CSNK1A1: variants seen among roughly 807,000 people sequenced by gnomAD.
The protein encoded by CSNK1A1 is casein kinase 1 alpha 1.
In CSNK1A1, 7 loss-of-function variants were observed where a neutral mutation model predicts 46.1. The ratio of observed to expected loss-of-function variants is 0.15; its 90% CI spans 0.09 to 0.29. The LOEUF (loss-of-function observed/expected upper bound fraction) is 0.29, where lower values mean the gene tolerates loss of function less well. Among genes scored for constraint, CSNK1A1 ranks in the 10% least tolerant of loss-of-function variants. CSNK1A1 has a pLI of 1.00. For missense variants in CSNK1A1, 96 were observed against 417.1 expected (o/e 0.23, Z 6.71); for synonymous variants, 137 against 141.5 (o/e 0.97, Z 0.23).
At chr5:149,506,362 G>A (rs965828618) in intron 8 of CSNK1A1, among the ~76,000 whole-genome samples, 9 of 151,900 alleles carry the variant, frequency 5.9e-5, no homozygotes, top group Non-Finnish European at 7.4e-5. Flanking sequence ...TCAGCCTCCC[G>A]AGTCGCTGGG....
chr5:149,504,804 G>A (rs1190403458), intron 9 of CSNK1A1: 11 of 985,218 alleles, frequency 1.1e-5, no homozygotes, highest in African/African-American at 3.5e-5. Flanking sequence ...AAGATCATAC[G>A]TAAACTGCAA....
intron 2 of CSNK1A1, among the ~76,000 whole-genome samples, chr5:149,527,607 A>G (rs574727761): frequency 1.3e-5 from 2 of 152,326 alleles, no homozygotes; most frequent in South Asian, 4.1e-4. Flanking sequence ...TTAAAAGGTA[A>G]GTGATAAAGC....
rs1260424124 is a variant in CSNK1A1 at position 149,493,933 on chromosome 5, T to C, written c.*2920A>G. 8 of 152,212 alleles carry C rather than the reference T, an allele frequency of 5.3e-5. No individual in the cohort carries two copies. Among genetic ancestry groups the C allele is most frequent in the African/African-American group, 1.2e-4 (5 of 41,458 alleles). 9.4% of individuals were successfully genotyped at this position (152,212 alleles called of 1,614,324 possible). Reference sequence around the variant, plus strand: ...TCAGAACCAGACTGTTCCAGACTAGTTGGAAAACGACCCAGGAACTCACCT... The same window carrying C: ...TCAGAACCAGACTGTTCCAGACTAGCTGGAAAACGACCCAGGAACTCACCT... On this transcript the variant is annotated 3_prime_UTR_variant, in exon 10 of 10. Coordinates refer to ENST00000377843, the MANE Select transcript of CSNK1A1 (RefSeq NM_001892.6).
intron 2 of CSNK1A1, among the ~76,000 whole-genome samples, chr5:149,534,828 G>A (rs1353880683): frequency 6.6e-6 from 1 of 150,614 alleles, no homozygotes; most frequent in Non-Finnish European, 1.5e-5. Flanking sequence ...GGAAGCTGAG[G>A]CAGGAGGATC....
chr5:149,542,047 T>C (rs1762249767), intron 2 of CSNK1A1, among the ~76,000 whole-genome samples: 1 of 148,122 alleles, frequency 6.8e-6, no homozygotes, highest in Admixed American at 6.7e-5. Context: ...CCTGGGCCAC[T>C]GACCGGTATC....
At chr5:149,514,947 G>A (rs1412226022) in intron 4 of CSNK1A1, among the ~76,000 whole-genome samples, 2 of 152,134 alleles carry the variant, frequency 1.3e-5, no homozygotes, top group Non-Finnish European at 2.9e-5. Flanking sequence ...AGGAAAATTT[G>A]TGTTGTAAAA....
At chr5:149,546,037 C>T (rs1184699837) in intron 2 of CSNK1A1, among the ~76,000 whole-genome samples, 2 of 151,642 alleles carry the variant, frequency 1.3e-5, no homozygotes, top group African/African-American at 2.4e-5. Flanking sequence ...TACAGGCGCA[C>T]GCCACCACAC....
intron 2 of CSNK1A1, among the ~76,000 whole-genome samples, chr5:149,540,085 G>C (rs2113172319): frequency 6.6e-6 from 1 of 152,212 alleles, no homozygotes; most frequent in South Asian, 2.1e-4. Flanking sequence ...CATTACATCA[G>C]AGAACAAGAG....
At position 149,494,446 on chromosome 5, in the gene CSNK1A1, A is replaced by G. The variant is rs1285692016; in HGVS notation, c.*2407T>C. The G allele has an allele frequency of 6.6e-6, 1 of 152,190 alleles. No homozygotes were observed. The highest frequency in any genetic ancestry group is 1.9e-4 in the East Asian group (1 of 5,198). The allele number at this position is 152,190 out of a possible 1,614,324, so 9.4% of individuals were successfully genotyped here. A position where few individuals can be genotyped will look rare whatever the true frequency, so the allele number is the denominator to read the frequency against. ...CATTTTAAAAAAACTGCACCCCCCA[A>G]TGGGTGAACAAAGTAAAGAGTAGTA... On this transcript the variant is annotated 3_prime_UTR_variant, in exon 10 of 10. Transcript: ENST00000377843.
intron 2 of CSNK1A1, among the ~76,000 whole-genome samples, chr5:149,542,592 TTATATATATATA>T (rs1160379269): frequency 0.024 from 636 of 26,650 alleles, 18 homozygotes; most frequent in Middle Eastern, 0.053. Flanking sequence ...AGATACAAAT[TTATATATATATA>T]TATATATATA....
chr5:149,512,288 T>C (rs1761250052), intron 5 of CSNK1A1, among the ~76,000 whole-genome samples: 1 of 151,996 alleles, frequency 6.6e-6, no homozygotes, highest in Non-Finnish European at 1.5e-5. Context: ...TACATATCTA[T>C]ATACACATAC....
intron 9 of CSNK1A1, chr5:149,497,148 G>C: frequency 8.7e-7 from 1 of 1,155,354 alleles, no homozygotes; most frequent in Non-Finnish European, 1.1e-6. Context: ...GCATGTTTCT[G>C]CATTTTTACA....
chr5:149,511,174 T>A (rs1197983849), intron 6 of CSNK1A1, among the ~76,000 whole-genome samples: 1 of 152,002 alleles, frequency 6.6e-6, no homozygotes, highest in African/African-American at 2.4e-5. Flanking sequence ...AAAAATAATT[T>A]AAAAATTAGC....
rs1760570909 is a variant in CSNK1A1 at position 149,493,268 on chromosome 5, A to C, written c.*3585T>G. 1 of 151,232 alleles carries C rather than the reference A, an allele frequency of 6.6e-6. No individual in the cohort carries two copies. The highest frequency in any genetic ancestry group is 1.5e-5 in the Non-Finnish European group (1 of 68,014). 9.4% of individuals were successfully genotyped at this position (151,232 alleles called of 1,614,324 possible). ...GTATTTTTAGTAGAGACAGGGTTTC[A>C]CTATGTTGGCCAGGCTGGTCTTGAA... On this transcript the variant is annotated 3_prime_UTR_variant, in exon 10 of 10. Transcript: ENST00000377843.
intron 2 of CSNK1A1, among the ~76,000 whole-genome samples, chr5:149,531,016 G>C (rs1339696814): frequency 7.1e-6 from 1 of 141,512 alleles, no homozygotes; most frequent in Non-Finnish European, 1.5e-5. Flanking sequence ...CAGCTACTCT[G>C]TTCCCTTTTC....
At position 149,550,993 on chromosome 5, in the gene CSNK1A1, C is replaced by A; in HGVS notation, c.-29G>T. On this transcript the variant is annotated 5_prime_UTR_variant, in exon 1 of 10. Transcript: ENST00000377843. This position sits in a 1 kb window ranked among gnomAD's most constrained non-coding sequence, Gnocchi z 4.3. The stretch of plus-strand genomic sequence containing the variant: ...GAGAGACGAAGATGGAGGCTGGGGC[C>A]AAGCCCCGACACCTCTGGGAAGAGG... 6.2e-7 allele frequency: 1 copy of A among 1,613,072 alleles called. No homozygotes were observed. Among genetic ancestry groups the A allele is most frequent in the Non-Finnish European group, 8.5e-7 (1 of 1,179,720 alleles).
chr5:149,519,320 TAGTAA>T (rs1761493996), intron 4 of CSNK1A1, among the ~76,000 whole-genome samples: 1 of 152,000 alleles, frequency 6.6e-6, no homozygotes, highest in Non-Finnish European at 1.5e-5. Flanking sequence ...CCTAATAGTT[TAGTAA>T]AACAAATGGG....
intron 7 of CSNK1A1, among the ~76,000 whole-genome samples, chr5:149,507,439 T>C (rs1277366817): frequency 1.3e-5 from 2 of 152,124 alleles, no homozygotes; most frequent in Non-Finnish European, 2.9e-5. Context: ...CCTGTCATTT[T>C]ATCAAAGTCG....
rs1412300339 is a variant in CSNK1A1, at chr5:149,550,875, G to A, written c.90C>T (p.Asp30=). The change falls in exon 1 of 10, where the codon GAC becomes GAT. Residue 30 remains aspartate (D), a synonymous_variant. Transcript: ENST00000377843. This position sits in a 1 kb window ranked among gnomAD's most constrained non-coding sequence, Gnocchi z 4.3. ...VRKIGSGSFG[D]IYLAINITNG... is the part of the protein sequence containing the mutation. ...TGGTGATGTTGATCGCCAAATAGAT[G>A]TCCCCGAAGGAGCCAGACCCGATCT... is the stretch of plus-strand genomic sequence containing the variant. 1.2e-6 allele frequency: 2 copies of A among 1,614,106 alleles called. No homozygotes were observed. The highest frequency in any genetic ancestry group is 1.7e-6 in the Non-Finnish European group (2 of 1,179,998).
Sources: gnomAD v4.1 joint callset for allele counts (sites outside exome capture counted in the v4.1 genomes callset) on GRCh38, gnomAD v4.1.1 for gene constraint, Gnocchi (gnomAD v3.1) non-coding constraint, MANE v1.5 for transcripts, NCBI Gene and HGNC (gene_info 2026-07-23, HGNC 2026-07-21) for gene names.